DCAF6: variants seen among roughly 807,000 people sequenced by gnomAD.
The protein encoded by DCAF6 is DDB1 and CUL4 associated factor 6, also known as DDB1- and CUL4-associated factor 6.
Under a neutral mutation model 125.1 loss-of-function variants are expected in DCAF6, and 54 were observed. That is an observed-to-expected ratio of 0.43 (90% CI 0.35 to 0.54). The LOEUF (loss-of-function observed/expected upper bound fraction) is 0.54, where lower values mean the gene tolerates loss of function less well. DCAF6 is among the 20% of genes least tolerant of loss of function. The pLI, the probability that DCAF6 is intolerant of heterozygous loss-of-function variation, is 0.01. For synonymous variants in DCAF6, 371 were observed against 390.4 expected, an observed-to-expected ratio of 0.95 and a Z score of 0.58; for missense variants, 934 against 1,161.7, an observed-to-expected ratio of 0.80 and a Z score of 2.85.
At chr1:168,069,126 T>G (rs1692729785) in intron 21 of DCAF6, among the ~76,000 whole-genome samples, 1 of 152,202 alleles carries the variant, frequency 6.6e-6, no homozygotes, top group South Asian at 2.1e-4. Context: ...ACTAATTATT[T>G]CACAGCTTTA....
At chr1:168,011,111 A>ATTTT (rs370763073) in intron 10 of DCAF6, among the ~76,000 whole-genome samples, 28 of 110,350 alleles carry the variant, frequency 2.5e-4, no homozygotes, top group African/African-American at 3.6e-4. Context: ...GACCATCAGA[A>ATTTT]TTTTTTTTTT....
At chr1:168,044,538 A>G in intron 14 of DCAF6, 47 bp from the exon 15 acceptor site, 1 of 1,393,630 alleles carries the variant, frequency 7.2e-7, no homozygotes, top group East Asian at 2.3e-5. Context: ...TTTAGAACTA[A>G]TCCCTCATGG....
the DCAF6 span, among the ~76,000 whole-genome samples, chr1:167,880,866 C>T: frequency 1.3e-5 from 2 of 152,190 alleles, no homozygotes; most frequent in African/African-American, 2.4e-5. Flanking sequence ...GTGCATGCTT[C>T]GGCCTACTCT....
chr1:167,935,949 C>G, upstream of DCAF6: 1 of 820,308 alleles, frequency 1.2e-6, no homozygotes, highest in African/African-American at 1.7e-5. Context: ...GACTCGCGTC[C>G]GCCTCTCGCC....
the DCAF6 span, among the ~76,000 whole-genome samples, chr1:167,894,607 A>T: frequency 6.6e-6 from 1 of 151,260 alleles, no homozygotes; most frequent in African/African-American, 2.5e-5. Flanking sequence ...GAAAATGATA[A>T]TGTGAAAAAA....
intron 17 of DCAF6, among the ~76,000 whole-genome samples, chr1:168,054,187 A>C (rs1000521249): frequency 6.6e-6 from 1 of 152,212 alleles, no homozygotes; most frequent in Non-Finnish European, 1.5e-5. Context: ...TTATGATAGA[A>C]ATCTTCTGGG....
At chr1:168,060,287 C>T (rs112004625) in intron 17 of DCAF6, among the ~76,000 whole-genome samples, 129 of 152,240 alleles carry the variant, frequency 8.5e-4, no homozygotes, top group African/African-American at 2.6e-3. Context: ...TCAAGCCATC[C>T]TCCCACCTCG....
At chr1:167,864,588 A>G in the DCAF6 span, among the ~76,000 whole-genome samples, 1 of 152,116 alleles carries the variant, frequency 6.6e-6, no homozygotes, top group African/African-American at 2.4e-5. Context: ...AAAGTCAAAG[A>G]GAGAGAGAGG....
chr1:167,973,611 T>TAATA (rs1208765501), intron 3 of DCAF6, among the ~76,000 whole-genome samples: 1 of 152,212 alleles, frequency 6.6e-6, no homozygotes, highest in Non-Finnish European at 1.5e-5. Flanking sequence ...CAGTGTTTTA[T>TAATA]AGTCAATCAC....
chr1:167,923,047 C>T, the DCAF6 span, among the ~76,000 whole-genome samples: 1 of 152,060 alleles, frequency 6.6e-6, no homozygotes, highest in African/African-American at 2.4e-5. Context: ...AAAATGCTCC[C>T]CCATCAAAAG....
chr1:168,015,950 A>G lies in DCAF6; in HGVS notation c.1548A>G (p.Ser516=). The change falls in exon 11 of 22, where the codon TCA becomes TCG. Residue 516 remains serine (S), a splice_region_variant and synonymous_variant. Coordinates refer to ENST00000367840, the MANE Select transcript of DCAF6 (RefSeq NM_001198956.2). ...HEGSSQDPHA[S]DSPSSVVNKQ... Reference sequence around the variant, plus strand: ...GCTCTTCACAGGACCCTCATGCTTCAGGTTATTAATGTCAAGTGTCCTTAA... The same window carrying G: ...GCTCTTCACAGGACCCTCATGCTTCGGGTTATTAATGTCAAGTGTCCTTAA... 1 of 1,482,936 alleles carries G rather than the reference A, an allele frequency of 6.7e-7. No individual in the cohort carries two copies. The highest frequency in any genetic ancestry group is 1.4e-5 in the African/African-American group (1 of 69,944). The allele number at this position is 1,482,936 out of a possible 1,614,324, so 91.9% of individuals were successfully genotyped here.
intron 1 of DCAF6, among the ~76,000 whole-genome samples, chr1:167,942,918 T>G (rs1005961902): frequency 5.3e-5 from 8 of 152,116 alleles, no homozygotes. Flanking sequence ...AACTTGGTCT[T>G]TTTTTTGAGA....
chr1:167,867,195 C>T, the DCAF6 span, among the ~76,000 whole-genome samples: 1 of 152,176 alleles, frequency 6.6e-6, no homozygotes, highest in African/African-American at 2.4e-5. Flanking sequence ...GCCCAACCTC[C>T]AAAACCATCC....
rs760763828 is a variant in DCAF6, at chr1:168,004,715, A to G, written c.1300A>G (p.Thr434Ala). Residue 434 changes from threonine (T) to alanine (A), a missense_variant, in exon 10 of 22, where the codon ACT becomes GCT. By Grantham distance (58) the Thr-to-Ala change is moderately conservative (BLOSUM62 0). Around this residue, in one of 5 missense-constraint regions of DCAF6, gnomAD observed 559 missense variants for 635.5 expected, o/e 0.88. Transcript: ENST00000367840. Reference sequence around the variant, plus strand: ...ATCTCCCACAGAAAGCCCTCATTCTACTCCTTTGCTATCTTCTCCAGACAG... The same window carrying G: ...ATCTCCCACAGAAAGCCCTCATTCTGCTCCTTTGCTATCTTCTCCAGACAG... ...TSSPTESPHS[T>A]PLLSSPDSEQ... The G allele has an allele frequency of 1.7e-5, 27 of 1,613,812 alleles. No individual in the cohort carries two copies. In the South Asian group the frequency reaches 2.0e-4, roughly 12 times the overall value.
rs781580588 is a variant in DCAF6, at chr1:167,993,422, G to A, written c.885G>A (p.Ala295=). ...DTARELKTPS[A]EERREELRQP... is the part of the protein sequence containing the mutation. The stretch of plus-strand genomic sequence containing the variant: ...CACGAGAACTTAAAACTCCTTCTGC[G>A]GAAGAGAGAAGAGAAGAGGTAGGTT... The change falls in exon 7 of 22, where the codon GCG becomes GCA. Residue 295 remains alanine (A), a synonymous_variant. Coordinates refer to ENST00000367840, the MANE Select transcript of DCAF6 (RefSeq NM_001198956.2). 108 of 1,613,638 alleles carry A rather than the reference G, an allele frequency of 6.7e-5. No individual in the cohort carries two copies. The highest frequency in any genetic ancestry group is 4.9e-4 in the Middle Eastern group (3 of 6,078).
rs144389560 is a variant in DCAF6 at position 168,068,951 on chromosome 1, CAAAAG to C, written c.2791+494_2791+498del. Reference sequence around the variant, plus strand: ...CAAGAAGGAATTGAATAATTTATAACAAAAGAAAAGGTCTAGTATCTGTTATAAGC... The same window carrying C: ...CAAGAAGGAATTGAATAATTTATAACAAAAGGTCTAGTATCTGTTATAAGC... On this transcript the variant is annotated intron_variant, in intron 21 of 21. Transcript: ENST00000367840. 7.1e-3 allele frequency among the ~76,000 whole-genome samples: 1,077 copies of C among 152,120 alleles called. 13 individuals carry two copies. Among genetic ancestry groups the C allele is most frequent in the African/African-American group, 0.024 (1,009 of 41,490 alleles).
chr1:167,924,471 A>G, the DCAF6 span: 1 of 1,586,900 alleles, frequency 6.3e-7, no homozygotes, highest in South Asian at 1.1e-5. Context: ...GTCTTTCAGT[A>G]GCTTCCGTAA....
intron 18 of DCAF6, among the ~76,000 whole-genome samples, chr1:168,064,484 A>T (rs1210715474): frequency 1.3e-5 from 2 of 152,136 alleles, no homozygotes; most frequent in African/African-American, 4.8e-5. Flanking sequence ...CTTGCTGATG[A>T]ATTTGTAGCT....
At chr1:167,870,492 CCTT>C in the DCAF6 span, 6 of 1,274,666 alleles carry the variant, frequency 4.7e-6, no homozygotes, top group Non-Finnish European at 6.6e-6. Context: ...TAGAAACCCT[CCTT>C]CTAAAAATAT....
Sources: gnomAD v4.1 joint callset for allele counts (sites outside exome capture counted in the v4.1 genomes callset) on GRCh38, gnomAD v4.1.1 for gene constraint, gnomAD v4.1.1 regional missense constraint, MANE v1.5 for transcripts, NCBI Gene and HGNC (gene_info 2026-07-23, HGNC 2026-07-21) for gene names.